The following KALRN variants were observed in gnomAD, a reference collection of about 807,000 sequenced individuals.
KALRN encodes the protein kalirin RhoGEF kinase, also known as kalirin.
KALRN carries 70 observed loss-of-function variants against 353.7 expected under a neutral mutation model. The observed-to-expected ratio is 0.20, with a 90% CI of 0.16 to 0.24. The LOEUF (loss-of-function observed/expected upper bound fraction) is 0.24. Ranked by LOEUF, KALRN falls within the 10% of genes least tolerant of loss-of-function variation. KALRN has a pLI of 1.00. For synonymous variants in KALRN, 1,391 were observed against 1,434.8 expected (o/e 0.97, Z 0.69); for missense variants, 2,791 against 3,756.7 (o/e 0.74, Z 6.72).
chr3:124,214,281 A>G (rs924326986), intron 1 of KALRN, among the ~76,000 whole-genome samples: 5 of 152,180 alleles, frequency 3.3e-5, no homozygotes, highest in Admixed American at 2.0e-4. Flanking sequence ...TTATACTTGT[A>G]TAATATTTAA....
chr3:124,414,172 G>A (rs1182102922), intron 14 of KALRN, among the ~76,000 whole-genome samples: 1 of 152,214 alleles, frequency 6.6e-6, no homozygotes, highest in African/African-American at 2.4e-5. Context: ...CTGTGCTGAA[G>A]TTGGGAATAG....
intron 6 of KALRN, among the ~76,000 whole-genome samples, chr3:124,321,269 C>A (rs1316968490): frequency 3.3e-5 from 5 of 152,200 alleles, no homozygotes; most frequent in Non-Finnish European, 5.9e-5. Context: ...TCAAATAATA[C>A]CTTCTCTTGG....
chr3:124,438,942 TG>T lies in KALRN; in HGVS notation c.3104del (p.Cys1035LeufsTer69), dbSNP rs1560944175. The T allele has an allele frequency of 6.2e-7, 1 of 1,613,988 alleles. No individual in the cohort carries two copies. On this transcript the variant is annotated frameshift_variant, in exon 18 of 60. Coordinates refer to ENST00000682506, the MANE Select transcript of KALRN (RefSeq NM_001388419.1). LOFTEE classifies it high-confidence loss of function. ...EQEYRRDEDW[C>X]GGRDKLGPAA... ...AGAATACCGGAGAGATGAGGACTGG[TG>T]TGGTGGACGAGATAAGCTGGGGCCA... is the stretch of plus-strand genomic sequence containing the variant.
chr3:124,119,747 G>A (rs1201849054), intron 1 of KALRN, among the ~76,000 whole-genome samples: 2 of 152,212 alleles, frequency 1.3e-5, no homozygotes, highest in South Asian at 2.1e-4. Flanking sequence ...AGGTCCTGGG[G>A]CACTTTCTAA....
At chr3:124,507,331 A>G (rs2065348012) in intron 33 of KALRN, among the ~76,000 whole-genome samples, 2 of 152,226 alleles carry the variant, frequency 1.3e-5, no homozygotes, top group Admixed American at 6.5e-5. Flanking sequence ...TAAAAGAGAA[A>G]GACTTCTAAA....
chr3:124,403,823 G>T (rs1264085201), intron 13 of KALRN, among the ~76,000 whole-genome samples: 1 of 152,206 alleles, frequency 6.6e-6, no homozygotes, highest in Non-Finnish European at 1.5e-5. Flanking sequence ...ACATAACAGG[G>T]AGACACAGAA....
At chr3:124,135,905 A>G (rs1362855963) in intron 1 of KALRN, among the ~76,000 whole-genome samples, 1 of 152,146 alleles carries the variant, frequency 6.6e-6, no homozygotes, top group African/African-American at 2.4e-5. Context: ...ATTTTATGTA[A>G]TTCTCAATAG....
At chr3:124,603,399 T>C (rs989484849) in intron 34 of KALRN, among the ~76,000 whole-genome samples, 2 of 152,212 alleles carry the variant, frequency 1.3e-5, no homozygotes, top group Non-Finnish European at 2.9e-5. Flanking sequence ...ATGGCAACAC[T>C]CCTGAATCCT....
At chr3:124,427,427 G>A (rs1299050534) in intron 15 of KALRN, among the ~76,000 whole-genome samples, 3 of 152,216 alleles carry the variant, frequency 2.0e-5, no homozygotes, top group African/African-American at 7.2e-5. Context: ...GGTCCTTAGA[G>A]TCAGTTGCCT....
chr3:124,623,399 T>TACACACACACACACACACACACAC (rs372330681), intron 34 of KALRN, among the ~76,000 whole-genome samples: 6,592 of 136,206 alleles, frequency 0.048, 187 homozygotes, highest in East Asian at 0.071. Context: ...TATTTATTTA[T>TACACACACACACACACACACACAC]ACACACACAC....
chr3:124,474,175 T>C (rs937807337), intron 25 of KALRN, among the ~76,000 whole-genome samples: 1 of 152,232 alleles, frequency 6.6e-6, no homozygotes, highest in African/African-American at 2.4e-5. Context: ...CATTGTTTAA[T>C]ACATAGTTTT....
intron 9 of KALRN, among the ~76,000 whole-genome samples, chr3:124,337,177 A>G (rs555830189): frequency 6.6e-6 from 1 of 152,336 alleles, no homozygotes; most frequent in South Asian, 2.1e-4. Context: ...TGCCCTGGCC[A>G]GAACTTCCAA....
intron 34 of KALRN, among the ~76,000 whole-genome samples, chr3:124,575,028 C>T (rs2073951815): frequency 6.6e-6 from 1 of 152,244 alleles, no homozygotes; most frequent in African/African-American, 2.4e-5. Flanking sequence ...AAACTGCAGC[C>T]TTAACCCAAA....
intron 34 of KALRN, among the ~76,000 whole-genome samples, chr3:124,571,085 C>T (rs1031419858): frequency 3.3e-5 from 5 of 152,182 alleles, no homozygotes; most frequent in Non-Finnish European, 7.3e-5. Flanking sequence ...CGTCCGAGCC[C>T]CGAGTGTAAA....
chr3:124,586,147 A>C (rs1193043864), intron 34 of KALRN, among the ~76,000 whole-genome samples: 1 of 152,232 alleles, frequency 6.6e-6, no homozygotes, highest in African/African-American at 2.4e-5. Context: ...CAGAATTCAG[A>C]TGAAGAAGGA....
chr3:124,572,733 G>A (rs915254672), intron 34 of KALRN, among the ~76,000 whole-genome samples: 23 of 152,314 alleles, frequency 1.5e-4, no homozygotes, highest in Admixed American at 3.9e-4. Context: ...AAAGTTGTCT[G>A]TGGCTTTACC....
At chr3:124,120,778 T>G (rs2063929329) in intron 1 of KALRN, among the ~76,000 whole-genome samples, 1 of 147,614 alleles carries the variant, frequency 6.8e-6, no homozygotes, top group African/African-American at 2.5e-5. Context: ...TCATTCAATG[T>G]GTATTTATGC....
At chr3:124,462,246 AT>A in intron 24 of KALRN, among the ~76,000 whole-genome samples, 1 of 152,354 alleles carries the variant, frequency 6.6e-6, no homozygotes, top group East Asian at 1.9e-4. Context: ...GTGAACTTAA[AT>A]TGGGTCTGAA....
At chr3:124,169,069 G>T (rs1578888756) in intron 1 of KALRN, among the ~76,000 whole-genome samples, 1 of 152,150 alleles carries the variant, frequency 6.6e-6, no homozygotes, top group African/African-American at 2.4e-5. Context: ...TGTGTTATCT[G>T]GGGCTCTGTG....
Sources: allele counts gnomAD v4.1 joint callset (sites outside exome capture counted in the v4.1 genomes callset), GRCh38; gene constraint gnomAD v4.1.1; transcripts MANE v1.5; gene names NCBI Gene and HGNC (gene_info 2026-07-23, HGNC 2026-07-21).